Variants in SMAD5 observed in about 807,000 individuals in gnomAD.
SMAD5 encodes the protein MAD, mothers against decapentaplegic homolog 5.
Under a neutral mutation model 43.1 loss-of-function variants are expected in SMAD5, and 9 were observed. That is an observed-to-expected ratio of 0.21 (90% CI 0.13 to 0.36). The LOEUF (loss-of-function observed/expected upper bound fraction) is 0.36, where lower values mean the gene tolerates loss of function less well. SMAD5 is among the 10% of genes least tolerant of loss of function. The pLI is 1.00. For synonymous variants in SMAD5, 190 were observed against 192.4 expected, an observed-to-expected ratio of 0.99 and a Z score of 0.10; for missense variants, 348 against 574.0, an observed-to-expected ratio of 0.61 and a Z score of 4.02.
chr5:136,139,459 G>T (rs1306430174), intron 1 of SMAD5, among the ~76,000 whole-genome samples: 1 of 152,020 alleles, frequency 6.6e-6, no homozygotes, highest in Non-Finnish European at 1.5e-5. Context: ...AGTTGTCCAG[G>T]CTGATACCTT....
intron 5 of SMAD5, among the ~76,000 whole-genome samples, chr5:136,165,240 C>G (rs1461088927): frequency 1.3e-5 from 2 of 152,084 alleles, no homozygotes; most frequent in Non-Finnish European, 2.9e-5. Flanking sequence ...CCTCAGACTC[C>G]TGGGCTGAAG....
At chr5:136,160,580 GT>G (rs1041331427) in intron 3 of SMAD5, among the ~76,000 whole-genome samples, 1 of 151,982 alleles carries the variant, frequency 6.6e-6, no homozygotes, top group Non-Finnish European at 1.5e-5. Flanking sequence ...TTTTATGGTT[GT>G]TTTTTAATAT....
At chr5:136,165,217 TA>T (rs1351894453) in intron 5 of SMAD5, among the ~76,000 whole-genome samples, 7 of 152,110 alleles carry the variant, frequency 4.6e-5, no homozygotes, top group Admixed American at 2.0e-4. Flanking sequence ...GGCGTGATCA[TA>T]GCTCACTGGA....
intron 1 of SMAD5, chr5:136,133,425 C>G (rs1236643971): frequency 6.6e-6 from 1 of 152,482 alleles, no homozygotes; most frequent in Non-Finnish European, 1.5e-5. Context: ...CTTGATGAAT[C>G]CGTGCCGCCG....
At chr5:136,165,222 C>A (rs1241532657) in intron 5 of SMAD5, among the ~76,000 whole-genome samples, 2 of 152,070 alleles carry the variant, frequency 1.3e-5, no homozygotes, top group Non-Finnish European at 2.9e-5. Flanking sequence ...GATCATAGCT[C>A]ACTGGAGCCT....
chr5:136,140,413 G>A (rs960120324), intron 1 of SMAD5, among the ~76,000 whole-genome samples: 4 of 152,092 alleles, frequency 2.6e-5, no homozygotes, highest in African/African-American at 9.7e-5. Flanking sequence ...TGGCTCTCTG[G>A]TATCTCTTTG....
At chr5:136,171,391 T>G (rs1320818890) in intron 5 of SMAD5, among the ~76,000 whole-genome samples, 1 of 152,256 alleles carries the variant, frequency 6.6e-6, no homozygotes, top group South Asian at 2.1e-4. Context: ...GTTGCTGCTA[T>G]GTTCTGAATT....
At chr5:136,135,565 GTTAC>G (rs1272871261) in intron 1 of SMAD5, among the ~76,000 whole-genome samples, 7 of 152,094 alleles carry the variant, frequency 4.6e-5, no homozygotes, top group Non-Finnish European at 8.8e-5. Context: ...TCTTAATACA[GTTAC>G]TTAAGTTGAA....
chr5:136,150,194 G>C (rs1753408574), intron 2 of SMAD5, among the ~76,000 whole-genome samples: 1 of 151,178 alleles, frequency 6.6e-6, no homozygotes, highest in East Asian at 1.9e-4. Flanking sequence ...TCTTAAATCT[G>C]TTTCTCATCT....
chr5:136,165,446 T>C (rs1753965464), intron 5 of SMAD5, among the ~76,000 whole-genome samples: 1 of 152,126 alleles, frequency 6.6e-6, no homozygotes, highest in Non-Finnish European at 1.5e-5. Flanking sequence ...TATTTTTAAG[T>C]GTACAGTTCA....
chr5:136,169,213 A>C (rs1561656204), intron 5 of SMAD5, among the ~76,000 whole-genome samples: 1 of 152,150 alleles, frequency 6.6e-6, no homozygotes, highest in African/African-American at 2.4e-5. Context: ...GAGGACAGGA[A>C]GCATCCAGCA....
rs182417910 is a variant in SMAD5, at chr5:136,135,915, A to C, written c.-245+2953A>C. The stretch of plus-strand genomic sequence containing the variant: ...AAGAAGGCAAATAGTTTATTTCTTC[A>C]AATGTTACAAGCAGCTTATAGCCTA... On this transcript the variant is annotated intron_variant, in intron 1 of 7. Transcript: ENST00000545279. Among the ~76,000 whole-genome samples the C allele has an allele frequency of 2.6e-5, 4 of 152,290 alleles. 1 individual carries two copies. Among genetic ancestry groups the C allele is most frequent in the Admixed American group, 1.3e-4 (2 of 15,306 alleles).
chr5:136,167,202 T>C (rs530476264), intron 5 of SMAD5, among the ~76,000 whole-genome samples: 129 of 152,298 alleles, frequency 8.5e-4, no homozygotes, highest in African/African-American at 2.8e-3. Flanking sequence ...CTGCTCGTTC[T>C]TAGCTCTAAT....
chr5:136,162,306 C>T (rs926086639), intron 4 of SMAD5, among the ~76,000 whole-genome samples: 12 of 152,174 alleles, frequency 7.9e-5, no homozygotes, highest in Admixed American at 2.6e-4. Context: ...CTCACACAGA[C>T]GTGGCCCTGG....
Position 136,174,615 on chromosome 5 carries a change from C to T in SMAD5, c.1237C>T (p.Arg413Trp). The stretch of plus-strand genomic sequence containing the variant: ...TGAGCTCACCAAAATGTGTACCATT[C>T]GGATGAGTTTTGTCAAGGTGAGTTG... ...VYELTKMCTI[R>W]MSFVKGWGAE... Residue 413 changes from arginine to tryptophan, a missense_variant, in exon 7 of 8, where the codon CGG becomes TGG. Around this residue, in one of 5 missense-constraint regions of SMAD5, gnomAD observed 97 missense variants for 211.8 expected, o/e 0.46. Coordinates refer to ENST00000545279, the MANE Select transcript of SMAD5 (RefSeq NM_005903.7). The T allele has an allele frequency of 2.5e-6, 4 of 1,610,480 alleles. No homozygotes were observed. The highest frequency in any genetic ancestry group is 3.4e-6 in the Non-Finnish European group (4 of 1,176,846).
At chr5:136,136,699 G>A (rs1190009810) in intron 1 of SMAD5, among the ~76,000 whole-genome samples, 3 of 152,088 alleles carry the variant, frequency 2.0e-5, no homozygotes. Flanking sequence ...TAATCAGCTA[G>A]TTCTGGGCTA....
intron 1 of SMAD5, among the ~76,000 whole-genome samples, chr5:136,140,583 A>G (rs1236644683): frequency 2.0e-5 from 3 of 151,640 alleles, no homozygotes; most frequent in African/African-American, 7.3e-5. Context: ...TTTCCCCTAG[A>G]TATATGCCTG....
At chr5:136,152,916 G>A (rs1753516466) in intron 2 of SMAD5, among the ~76,000 whole-genome samples, 1 of 152,072 alleles carries the variant, frequency 6.6e-6, no homozygotes, top group African/African-American at 2.4e-5. Context: ...TAAGCCGATA[G>A]GAATTATAAA....
chr5:136,133,599 C>T (rs2149754949), intron 1 of SMAD5: 1 of 152,500 alleles, frequency 6.6e-6, no homozygotes, highest in Admixed American at 6.5e-5. Context: ...ATGTAAACTT[C>T]TCTGTGCTGC....
Sources: allele counts gnomAD v4.1 joint callset (sites outside exome capture counted in the v4.1 genomes callset), GRCh38; gene constraint gnomAD v4.1.1; regional missense constraint gnomAD v4.1.1; transcripts MANE v1.5; gene names NCBI Gene and HGNC (gene_info 2026-07-23, HGNC 2026-07-21).